The following DRICH1 variants were observed in gnomAD, a reference collection of about 807,000 sequenced individuals.
DRICH1 encodes aspartate-rich protein 1.
In DRICH1, 38 loss-of-function variants were observed where a neutral mutation model predicts 39.5. The observed-to-expected ratio is 0.96, with a 90% CI of 0.74 to 1.26. The LOEUF (loss-of-function observed/expected upper bound fraction) is 1.26, where lower values mean the gene tolerates loss of function less well. DRICH1 is among the 50% of genes most tolerant of loss of function. The probability of loss-of-function intolerance (pLI) is 0.00; values close to 1 mark genes in which losing one functional copy is unlikely to be tolerated. For missense variants in DRICH1, 279 were observed against 270.4 expected, an observed-to-expected ratio of 1.03 and a Z score of -0.22; for synonymous variants, 84 against 99.5, an observed-to-expected ratio of 0.84 and a Z score of 0.93.
intron 1 of DRICH1, among the ~76,000 whole-genome samples, chr22:23,628,503 G>A (rs1928204379): frequency 6.6e-6 from 1 of 152,136 alleles, no homozygotes; most frequent in Non-Finnish European, 1.5e-5. Flanking sequence ...GGAGGTGGAC[G>A]TTGCAGTGAG....
downstream of DRICH1, among the ~76,000 whole-genome samples, chr22:23,605,942 T>C (rs1413758936): frequency 6.6e-6 from 1 of 151,800 alleles, no homozygotes; most frequent in Non-Finnish European, 1.5e-5. Context: ...CCAGCCATTG[T>C]GTGCACCTGT....
At chr22:23,607,847 C>T (rs1001512002), downstream of DRICH1, among the ~76,000 whole-genome samples, 1 of 152,220 alleles carries the variant, frequency 6.6e-6, no homozygotes, top group African/African-American at 2.4e-5. Flanking sequence ...GTGTCATCCC[C>T]AAGGGGAGCT....
Position 23,622,032 on chromosome 22 carries a change from T to C in DRICH1, c.384+59A>G, listed in dbSNP as rs927251228. 4.6e-5 allele frequency: 71 copies of C among 1,558,256 alleles called. No homozygotes were observed. The Admixed American group carries it at 1.2e-3, about 26-fold the overall frequency. The stretch of plus-strand genomic sequence containing the variant: ...CATTCTTTGGGATTGGACTGGTGAG[T>C]TTGTTTCTCACATCAGAAAACCAAC... On this transcript the variant is annotated intron_variant, in intron 4 of 11. Coordinates refer to ENST00000317749, the MANE Select transcript of DRICH1 (RefSeq NM_016449.4).
the DRICH1 span, among the ~76,000 whole-genome samples, chr22:23,596,081 A>C: frequency 7.0e-4 from 107 of 152,264 alleles, no homozygotes; most frequent in East Asian, 0.014. Context: ...CTTCATTATC[A>C]CATTACGTCA....
At chr22:23,623,878 A>G in intron 3 of DRICH1, 1 of 890,670 alleles carries the variant, frequency 1.1e-6, no homozygotes, top group African/African-American at 1.8e-5. Context: ...AGGTACCAAG[A>G]ATACACAATG....
At chr22:23,603,181 C>T in the DRICH1 span, among the ~76,000 whole-genome samples, 2 of 151,748 alleles carry the variant, frequency 1.3e-5, no homozygotes, top group South Asian at 2.1e-4. Flanking sequence ...ACAAATTTCT[C>T]GAAGTGGAAT....
chr22:23,624,306 T>A (rs192861890), intron 3 of DRICH1: 494 of 985,230 alleles, frequency 5.0e-4, no homozygotes, highest in South Asian at 1.1e-3. Context: ...AAAGAGCAGG[T>A]GTTCTCAGAA....
chr22:23,621,211 C>A (rs745956278), intron 4 of DRICH1, among the ~76,000 whole-genome samples: 5 of 151,904 alleles, frequency 3.3e-5, no homozygotes, highest in Non-Finnish European at 5.9e-5. Context: ...GCTTGTTGGG[C>A]CCCCTCTCCT....
At chr22:23,586,542 T>C in the DRICH1 span, among the ~76,000 whole-genome samples, 1 of 152,100 alleles carries the variant, frequency 6.6e-6, no homozygotes, top group African/African-American at 2.4e-5. Flanking sequence ...ATGAGGTTTT[T>C]GTTTGTTTGT....
Position 23,616,883 on chromosome 22 carries a change from A to C in DRICH1, c.520-9T>G. The C allele has an allele frequency of 6.2e-7, 1 of 1,613,966 alleles. No individual in the cohort carries two copies. The highest frequency in any genetic ancestry group is 8.5e-7 in the Non-Finnish European group (1 of 1,179,802). ...ACAGGTGACGGTAAAATCTGCAATG[A>C]GATAAAAGAAGATGCTGTAAGGATC... On this transcript the variant is annotated splice_polypyrimidine_tract_variant and intron_variant, in intron 7 of 11. Transcript: ENST00000317749.
At position 23,614,115 on chromosome 22, in the gene DRICH1, CA is replaced by C. The variant is rs753169253; in HGVS notation, c.621+19del. ...AGGAAAGCAACATTGCTGTAGAAGA[CA>C]AAAAAAGGGAGGTCTTACGTGGATG... On this transcript the variant is annotated intron_variant, in intron 9 of 11. Transcript: ENST00000317749. 7.7e-6 allele frequency: 12 copies of C among 1,556,456 alleles called. No homozygotes were observed. In the Middle Eastern group the frequency reaches 5.0e-4, roughly 65 times the overall value.
upstream of DRICH1, chr22:23,632,433 C>T (rs55751754): frequency 6.2e-3 from 1,573 of 252,800 alleles, 21 homozygotes; most frequent in African/African-American, 0.03. Context: ...GCCCCACAGC[C>T]CCCCCCAATG....
Position 23,624,885 on chromosome 22 carries a change from T to C in DRICH1, c.296A>G (p.Gln99Arg), listed in dbSNP as rs777916308. The change falls in exon 3 of 12, where the codon CAG becomes CGG. Residue 99 changes from glutamine to arginine, a missense_variant and splice_region_variant. Transcript: ENST00000317749. The stretch of plus-strand genomic sequence containing the variant: ...GTGAGTTAGTTCAAGGTACGTACCC[T>C]GGACAGGTGATGGTAAAATCTGCAA... Reference protein sequence around the residue: ...DDAKILPSPVQGSSEDNLSLV... With the variant: ...DDAKILPSPVRGSSEDNLSLV... 1 of 1,613,664 alleles carries C rather than the reference T, an allele frequency of 6.2e-7. No individual in the cohort carries two copies. The highest frequency in any genetic ancestry group is 8.5e-7 in the Non-Finnish European group (1 of 1,179,592).
At chr22:23,592,045 T>C in the DRICH1 span, among the ~76,000 whole-genome samples, 2 of 152,124 alleles carry the variant, frequency 1.3e-5, no homozygotes, top group Non-Finnish European at 2.9e-5. Context: ...GCGAGGGGTG[T>C]TTCCCGAGGC....
the DRICH1 span, among the ~76,000 whole-genome samples, chr22:23,595,768 AG>A: frequency 1.3e-5 from 2 of 152,136 alleles, no homozygotes; most frequent in Admixed American, 6.5e-5. Flanking sequence ...TGAGGGAGGA[AG>A]GGGGGCATCC....
Position 23,617,672 on chromosome 22 carries a change from A to G in DRICH1, c.437-15T>C, listed in dbSNP as rs749260734. 6.2e-7 allele frequency: 1 copy of G among 1,613,238 alleles called. No individual in the cohort carries two copies. ...CTCAGAAGAACCTGGAAGCACACAG[A>G]GGAAAGATCCGTGCCCTGGTTGTTT... On this transcript the variant is annotated splice_polypyrimidine_tract_variant and intron_variant, in intron 6 of 11. Coordinates refer to ENST00000317749, the MANE Select transcript of DRICH1 (RefSeq NM_016449.4).
chr22:23,613,714 A>G, intron 9 of DRICH1, 54 bp from the exon 10 acceptor site: 1 of 1,330,742 alleles, frequency 7.5e-7, no homozygotes, highest in Non-Finnish European at 1.1e-6. Flanking sequence ...TGTGCGCTTC[A>G]CACAGATCTG....
intron 11 of DRICH1, among the ~76,000 whole-genome samples, chr22:23,609,272 T>C (rs1256663711): frequency 6.6e-6 from 1 of 152,216 alleles, no homozygotes; most frequent in African/African-American, 2.4e-5. Context: ...CTGGGGCAAG[T>C]TGATTAACTG....
chr22:23,617,593 A>G lies in DRICH1; in HGVS notation c.501T>C (p.Asp167=). 6.2e-7 allele frequency: 1 copy of G among 1,614,172 alleles called. No homozygotes were observed. Reference sequence around the variant, plus strand: ...GTCTTACCTGGGCATCATCATCATCATCATCACAGTCATCATCTTCACTTC... The same window carrying G: ...GTCTTACCTGGGCATCATCATCATCGTCATCACAGTCATCATCTTCACTTC... ...LPRSEDDDCD[D]DDDDAQILPS... The change falls in exon 7 of 12, where the codon GAT becomes GAC. Residue 167 remains aspartate, a synonymous_variant. Coordinates refer to ENST00000317749, the MANE Select transcript of DRICH1 (RefSeq NM_016449.4).
Sources: allele counts gnomAD v4.1 joint callset (sites outside exome capture counted in the v4.1 genomes callset), GRCh38; gene constraint gnomAD v4.1.1; transcripts MANE v1.5; gene names NCBI Gene and HGNC (gene_info 2026-07-23, HGNC 2026-07-21).